Variants in MARCHF1 observed in about 807,000 individuals in gnomAD.
MARCHF1 encodes the protein membrane associated ring-CH-type finger 1.
MARCHF1 carries 40 observed loss-of-function variants against 54.2 expected under a neutral mutation model. That is an observed-to-expected ratio of 0.74 (90% CI 0.57 to 0.96). The LOEUF is 0.96. Ranked by LOEUF, MARCHF1 falls within the 40% of genes least tolerant of loss-of-function variation. The probability of loss-of-function intolerance (pLI) is 0.00; values close to 1 mark genes in which losing one functional copy is unlikely to be tolerated. For synonymous variants in MARCHF1, 236 were observed against 236.3 expected (o/e 1.00, Z 0.01); for missense variants, 586 against 656.5 (o/e 0.89, Z 1.17).
chr4:164,259,687 C>T (rs773155975), intron 1 of MARCHF1, among the ~76,000 whole-genome samples: 8 of 151,660 alleles, frequency 5.3e-5, no homozygotes, highest in Non-Finnish European at 1.0e-4. Flanking sequence ...AATGGTAAAC[C>T]GATATGACCC....
intron 3 of MARCHF1, among the ~76,000 whole-genome samples, chr4:163,966,467 A>G (rs1029546542): frequency 4.6e-5 from 7 of 152,142 alleles, no homozygotes; most frequent in Admixed American, 2.0e-4. Context: ...TCTATGTAAC[A>G]TTTATTGAAC....
chr4:164,381,617 T>C (rs1175259242), intron 1 of MARCHF1, among the ~76,000 whole-genome samples: 1 of 152,208 alleles, frequency 6.6e-6, no homozygotes, highest in Non-Finnish European at 1.5e-5. Flanking sequence ...CTGTTGATCA[T>C]TGCTAGCTGA....
At chr4:164,349,076 G>A (rs1035655639) in intron 1 of MARCHF1, among the ~76,000 whole-genome samples, 19 of 152,076 alleles carry the variant, frequency 1.2e-4, no homozygotes, top group Admixed American at 9.2e-4. Flanking sequence ...GAACAGGGTC[G>A]GGTAACGGTG....
rs1218310983 is a variant in MARCHF1 at position 163,528,628 on chromosome 4, T to C, written c.*120A>G. 57 of 1,029,248 alleles carry C rather than the reference T, an allele frequency of 5.5e-5. No individual in the cohort carries two copies. The highest frequency in any genetic ancestry group is 7.7e-5 in the Non-Finnish European group (55 of 716,328). The allele number at this position is 1,029,248 out of a possible 1,614,324, so 63.8% of individuals were successfully genotyped here. On this transcript the variant is annotated 3_prime_UTR_variant, in exon 10 of 10. Transcript: ENST00000514618. ...CCTCTTTGAACAAAGTCAGGAAAAA[T>C]GTGTCAGTAGGAGAAAGGAGGAGCT...
At chr4:163,589,584 T>C (rs1740518874) in intron 7 of MARCHF1, among the ~76,000 whole-genome samples, 2 of 152,236 alleles carry the variant, frequency 1.3e-5, no homozygotes, top group Non-Finnish European at 2.9e-5. Context: ...TAAAAAATAA[T>C]GTGATCGTGC....
Position 163,602,597 on chromosome 4 carries a change from T to C in MARCHF1, c.1010+9674A>G, listed in dbSNP as rs75504667. 3.6e-3 allele frequency among the ~76,000 whole-genome samples: 550 copies of C among 152,254 alleles called. 9 individuals carry two copies. The East Asian group carries it at 0.04, about 11-fold the overall frequency. The stretch of plus-strand genomic sequence containing the variant: ...GATTTTATTAAAATCAACAGGAGAA[T>C]GGTTGGTCTTTGTTCTGACAAGACT... On this transcript the variant is annotated intron_variant, in intron 7 of 9. Transcript: ENST00000514618.
chr4:163,611,959 T>C (rs1741356058), intron 7 of MARCHF1, among the ~76,000 whole-genome samples: 2 of 152,126 alleles, frequency 1.3e-5, no homozygotes, highest in Non-Finnish European at 2.9e-5. Flanking sequence ...AGTCTCACTC[T>C]TAATTCCCCC....
chr4:163,900,688 T>C (rs1750920863), intron 3 of MARCHF1, among the ~76,000 whole-genome samples: 1 of 152,204 alleles, frequency 6.6e-6, no homozygotes, highest in African/African-American at 2.4e-5. Flanking sequence ...CTGGCATGGA[T>C]GAAAGAGTCT....
At chr4:163,798,195 G>C (rs772477226) in intron 4 of MARCHF1, among the ~76,000 whole-genome samples, 3 of 152,082 alleles carry the variant, frequency 2.0e-5, no homozygotes, top group African/African-American at 2.4e-5. Flanking sequence ...CTTATACAAA[G>C]AGAAAGAAAG....
chr4:164,176,980 C>CTCTCTCTCTCTCTA (rs1466683245), intron 1 of MARCHF1, among the ~76,000 whole-genome samples: 2 of 58,918 alleles, frequency 3.4e-5, no homozygotes, highest in African/African-American at 1.4e-4. Flanking sequence ...CTCTCTCTCT[C>CTCTCTCTCTCTCTA]TATATATATA....
At chr4:163,931,311 T>C (rs548781582) in intron 3 of MARCHF1, among the ~76,000 whole-genome samples, 68 of 152,270 alleles carry the variant, frequency 4.5e-4, no homozygotes, top group Non-Finnish European at 7.5e-4. Flanking sequence ...ACATTTAAAT[T>C]GGTGCTGTAA....
intron 1 of MARCHF1, among the ~76,000 whole-genome samples, chr4:164,145,254 C>T (rs1259179454): frequency 6.6e-6 from 1 of 152,180 alleles, no homozygotes; most frequent in Non-Finnish European, 1.5e-5. Context: ...AAAGGAAGAA[C>T]TGGTACCATT....
At chr4:163,651,707 C>A (rs1742973349) in intron 5 of MARCHF1, among the ~76,000 whole-genome samples, 1 of 151,710 alleles carries the variant, frequency 6.6e-6, no homozygotes, top group Non-Finnish European at 1.5e-5. Context: ...GATGTCTTTC[C>A]CTTTACACTA....
intron 7 of MARCHF1, among the ~76,000 whole-genome samples, chr4:163,604,403 A>G (rs552983563): frequency 1.3e-5 from 2 of 152,252 alleles, no homozygotes; most frequent in South Asian, 2.1e-4. Flanking sequence ...GATTATATAT[A>G]TGTAGTTCGT....
intron 1 of MARCHF1, among the ~76,000 whole-genome samples, chr4:164,267,221 C>A (rs1733632984): frequency 6.6e-6 from 1 of 152,148 alleles, no homozygotes; most frequent in Non-Finnish European, 1.5e-5. Flanking sequence ...GTGGCTGCTA[C>A]CAGAATGACT....
At chr4:163,748,530 C>T (rs945646291) in intron 4 of MARCHF1, among the ~76,000 whole-genome samples, 1 of 152,152 alleles carries the variant, frequency 6.6e-6, no homozygotes, top group African/African-American at 2.4e-5. Context: ...AGGCTGCATG[C>T]CAACAGGGAA....
intron 1 of MARCHF1, among the ~76,000 whole-genome samples, chr4:164,138,143 G>T (rs186868198): frequency 6.6e-6 from 1 of 152,022 alleles, no homozygotes; most frequent in Non-Finnish European, 1.5e-5. Context: ...AGGACTTATT[G>T]GGCCAAATAA....
intron 1 of MARCHF1, among the ~76,000 whole-genome samples, chr4:164,234,067 A>G (rs1732483776): frequency 6.6e-6 from 1 of 152,154 alleles, no homozygotes; most frequent in Non-Finnish European, 1.5e-5. Flanking sequence ...GTCTCTATCA[A>G]TTGAGGTCTA....
chr4:164,224,210 A>G (rs770230876), intron 1 of MARCHF1, among the ~76,000 whole-genome samples: 12 of 142,612 alleles, frequency 8.4e-5, no homozygotes, highest in Admixed American at 2.2e-4. Flanking sequence ...ACCAGAATGT[A>G]TTTTATAAAG....
Sources: allele counts gnomAD v4.1 joint callset (sites outside exome capture counted in the v4.1 genomes callset), GRCh38; gene constraint gnomAD v4.1.1; transcripts MANE v1.5; gene names NCBI Gene and HGNC (gene_info 2026-07-23, HGNC 2026-07-21).